CEP70: variants seen among roughly 807,000 people sequenced by gnomAD.
CEP70 encodes the protein centrosomal protein 70.
CEP70 carries 70 observed loss-of-function variants against 90.9 expected under a neutral mutation model. The ratio of observed to expected loss-of-function variants is 0.77; its 90% CI spans 0.64 to 0.94. The LOEUF is 0.94. CEP70 is among the 40% of genes least tolerant of loss of function. The pLI is 0.00. For missense variants in CEP70, 648 were observed against 669.0 expected (o/e 0.97, Z 0.35); for synonymous variants, 220 against 228.3 (o/e 0.96, Z 0.33).
At chr3:138,512,366 T>C (rs867455490) in intron 11 of CEP70, among the ~76,000 whole-genome samples, 4 of 152,176 alleles carry the variant, frequency 2.6e-5, no homozygotes, top group Non-Finnish European at 4.4e-5. Flanking sequence ...TTCTAGTGCC[T>C]TGAGTCTAGG....
At chr3:138,539,024 T>C (rs2038526744) in intron 6 of CEP70, among the ~76,000 whole-genome samples, 1 of 152,184 alleles carries the variant, frequency 6.6e-6, no homozygotes, top group Non-Finnish European at 1.5e-5. Flanking sequence ...TGTTTTCGTT[T>C]GTTTGTTTGA....
At chr3:138,540,952 T>C (rs972010859) in intron 6 of CEP70, among the ~76,000 whole-genome samples, 45 of 152,316 alleles carry the variant, frequency 3.0e-4, no homozygotes, top group African/African-American at 1.0e-3. Context: ...AGAACATGGA[T>C]GGAGCTGAAC....
intron 6 of CEP70, among the ~76,000 whole-genome samples, chr3:138,545,973 C>G (rs1425912228): frequency 6.6e-6 from 1 of 152,026 alleles, no homozygotes; most frequent in East Asian, 1.9e-4. Context: ...CTAATTTTGC[C>G]CTTTGCCTTG....
At chr3:138,571,536 G>T (rs2041175785) in intron 3 of CEP70, among the ~76,000 whole-genome samples, 180 bp from the exon 4 acceptor site, 1 of 152,176 alleles carries the variant, frequency 6.6e-6, no homozygotes, top group African/African-American at 2.4e-5. Flanking sequence ...ATTAGTAATA[G>T]ACTAGAAGTA....
intron 2 of CEP70, among the ~76,000 whole-genome samples, chr3:138,586,576 C>G (rs1308121156): frequency 1.3e-5 from 2 of 152,042 alleles, no homozygotes; most frequent in African/African-American, 4.8e-5. Flanking sequence ...AAGCCAGGCA[C>G]AGAAAGACAA....
chr3:138,502,697 A>G (rs1401160435), intron 13 of CEP70, among the ~76,000 whole-genome samples: 1 of 152,206 alleles, frequency 6.6e-6, no homozygotes, highest in Non-Finnish European at 1.5e-5. Context: ...CTAAGAAGAA[A>G]AGATGTTCTG....
At chr3:138,581,993 A>T (rs181383280) in intron 2 of CEP70, among the ~76,000 whole-genome samples, 9 of 152,302 alleles carry the variant, frequency 5.9e-5, no homozygotes, top group Middle Eastern at 3.4e-3. Context: ...AGCAAAAAAA[A>T]CTTTTACCCT....
chr3:138,588,804 A>G (rs1427203700), intron 2 of CEP70, among the ~76,000 whole-genome samples: 1 of 152,232 alleles, frequency 6.6e-6, no homozygotes, highest in Non-Finnish European at 1.5e-5. Flanking sequence ...AGCTTTATCT[A>G]TAATAGCCAG....
At chr3:138,554,969 T>C (rs59316948) in intron 6 of CEP70, among the ~76,000 whole-genome samples, 7,295 of 152,174 alleles carry the variant, frequency 0.048, 562 homozygotes, top group African/African-American at 0.16. Flanking sequence ...AAAAATCAAC[T>C]CAAGGCCAGA....
chr3:138,589,348 G>T (rs1256551656), intron 2 of CEP70, among the ~76,000 whole-genome samples: 1 of 151,974 alleles, frequency 6.6e-6, no homozygotes, highest in Non-Finnish European at 1.5e-5. Context: ...ATTATTAGCA[G>T]ACTTTAATGA....
chr3:138,494,834 T>G lies in CEP70; in HGVS notation c.*181A>C, dbSNP rs1472197370. On this transcript the variant is annotated 3_prime_UTR_variant, in exon 18 of 18. Coordinates refer to ENST00000264982, the MANE Select transcript of CEP70 (RefSeq NM_024491.4). ...AATTACCTTACCCTTGCAACTATTT[T>G]CTGTATAAGAATCTCAAAGTTAATA... 1 of 473,754 alleles carries G rather than the reference T, an allele frequency of 2.1e-6. No individual in the cohort carries two copies. The highest frequency in any genetic ancestry group is 2.0e-5 in the African/African-American group (1 of 49,422). The allele number at this position is 473,754 out of a possible 1,614,324, so 29.3% of individuals were successfully genotyped here.
chr3:138,543,655 C>T (rs1345092567), intron 6 of CEP70, among the ~76,000 whole-genome samples: 1 of 152,208 alleles, frequency 6.6e-6, no homozygotes, highest in African/African-American at 2.4e-5. Flanking sequence ...GCCTGCACCT[C>T]CTCCACTGCT....
chr3:138,588,363 A>C (rs2042210061), intron 2 of CEP70, among the ~76,000 whole-genome samples: 1 of 152,182 alleles, frequency 6.6e-6, no homozygotes. Context: ...TATATAGGGA[A>C]CTCTCAAAAC....
chr3:138,540,145 C>T (rs2038629644), intron 6 of CEP70, among the ~76,000 whole-genome samples: 1 of 151,646 alleles, frequency 6.6e-6, no homozygotes, highest in Non-Finnish European at 1.5e-5. Context: ...CGGCAAAGGA[C>T]AAGAATAGAC....
intron 5 of CEP70, among the ~76,000 whole-genome samples, chr3:138,570,783 G>A (rs1404160955): frequency 1.3e-5 from 2 of 152,014 alleles, no homozygotes; most frequent in African/African-American, 2.4e-5. Context: ...TTCAATTTTT[G>A]GAGCCTTTCA....
intron 17 of CEP70, chr3:138,497,615 T>C (rs1011823983): frequency 3.1e-6 from 3 of 956,142 alleles, no homozygotes; most frequent in Admixed American, 6.2e-5. Flanking sequence ...TTTATGTTAC[T>C]TCATATAACC....
At chr3:138,523,672 G>A (rs1465625592) in intron 11 of CEP70, among the ~76,000 whole-genome samples, 6 of 152,134 alleles carry the variant, frequency 3.9e-5, no homozygotes, top group South Asian at 2.1e-4. Context: ...TACAAGGAAC[G>A]TGAAGGACCT....
intron 11 of CEP70, among the ~76,000 whole-genome samples, chr3:138,512,606 A>C (rs1192379555): frequency 2.0e-5 from 3 of 152,122 alleles, no homozygotes; most frequent in Admixed American, 6.6e-5. Flanking sequence ...CTTTGCAGAC[A>C]CTCATTCCAT....
At chr3:138,506,061 A>T (rs553799657) in intron 12 of CEP70, among the ~76,000 whole-genome samples, 19 of 149,256 alleles carry the variant, frequency 1.3e-4, no homozygotes, top group African/African-American at 4.7e-4. Flanking sequence ...TTTGCTCACT[A>T]TCTATATTTT....
Sources: gnomAD v4.1 joint callset for allele counts (sites outside exome capture counted in the v4.1 genomes callset) on GRCh38, gnomAD v4.1.1 for gene constraint, MANE v1.5 for transcripts, NCBI Gene and HGNC (gene_info 2026-07-23, HGNC 2026-07-21) for gene names.